FBXW8: variants seen among roughly 807,000 people sequenced by gnomAD.
FBXW8 encodes the protein F-box/WD repeat-containing protein 8.
A neutral mutation model predicts 65.3 loss-of-function variants in FBXW8; 57 were observed. The ratio of observed to expected loss-of-function variants is 0.87; its 90% CI spans 0.71 to 1.09. FBXW8 has a LOEUF of 1.09. FBXW8 is among the 50% of genes least tolerant of loss of function. The pLI is 0.00. For synonymous variants in FBXW8, 308 were observed against 330.2 expected (o/e 0.93, Z 0.73); for missense variants, 777 against 814.8 (o/e 0.95, Z 0.57).
At chr12:116,978,950 T>C (rs532602079) in intron 5 of FBXW8, 17 of 152,338 alleles carry the variant, frequency 1.1e-4, no homozygotes, top group Admixed American at 1.0e-3. Context: ...TTGGGACTTA[T>C]CTTTTTGATG....
intron 8 of FBXW8, among the ~76,000 whole-genome samples, chr12:117,022,172 G>C (rs748903645): frequency 4.4e-4 from 67 of 152,044 alleles, no homozygotes; most frequent in Non-Finnish European, 6.9e-4. Flanking sequence ...CCCCTTGCTG[G>C]CTTCCTCAGG....
At chr12:116,930,877 A>G (rs1415967922) in intron 2 of FBXW8, among the ~76,000 whole-genome samples, 1 of 152,206 alleles carries the variant, frequency 6.6e-6, no homozygotes, top group African/African-American at 2.4e-5. Flanking sequence ...GTACAATCGT[A>G]GCTCACTGTA....
chr12:116,951,968 T>C (rs1883312990), intron 4 of FBXW8, among the ~76,000 whole-genome samples: 1 of 152,240 alleles, frequency 6.6e-6, no homozygotes, highest in South Asian at 2.1e-4. Flanking sequence ...TGTCCGTGAG[T>C]CTTTGCTTAC....
At chr12:117,003,649 G>A (rs552732596) in intron 7 of FBXW8, among the ~76,000 whole-genome samples, 4 of 152,258 alleles carry the variant, frequency 2.6e-5, no homozygotes, top group East Asian at 1.9e-4. Context: ...AGTGTTTTCC[G>A]TGTTTCTTTC....
At chr12:116,981,892 G>A (rs1004524109) in intron 5 of FBXW8, among the ~76,000 whole-genome samples, 2 of 152,102 alleles carry the variant, frequency 1.3e-5, no homozygotes, top group Non-Finnish European at 2.9e-5. Flanking sequence ...GGGATTACAG[G>A]CATGAGCCAC....
chr12:117,013,736 T>TTTTATTTA (rs571309697), intron 8 of FBXW8, among the ~76,000 whole-genome samples: 34 of 152,028 alleles, frequency 2.2e-4, no homozygotes, highest in African/African-American at 7.5e-4. Context: ...GGTGTTTTCT[T>TTTTATTTA]TTTATTTATT....
In FBXW8 at chr12:116,949,657, GAC is replaced by G. The variant is rs1191050113; in HGVS notation, c.632_633del (p.Thr211SerfsTer4). On this transcript the variant is annotated frameshift_variant, in exon 4 of 11. Transcript: ENST00000652555. LOFTEE classifies it high-confidence loss of function. ...GAVSELEHVP[D>X]TVLCDVHSHD... ...CGTGAGCGAGCTGGAGCATGTTCCT[GAC>G]ACAGTTTTGTGTGATGTGCATTCTC... is the stretch of plus-strand genomic sequence containing the variant. 1.7e-5 allele frequency: 28 copies of G among 1,614,096 alleles called. No individual in the cohort carries two copies. The highest frequency in any genetic ancestry group is 2.2e-5 in the South Asian group (2 of 91,082).
intron 5 of FBXW8, chr12:116,979,268 C>T (rs1282753766): frequency 1.3e-5 from 2 of 152,272 alleles, no homozygotes; most frequent in East Asian, 3.8e-4. Flanking sequence ...CATTACCACA[C>T]TCTGGCTGGC....
chr12:116,917,233 A>G lies in FBXW8; in HGVS notation c.318+5878A>G, dbSNP rs1045908574. Reference sequence around the variant, plus strand: ...AACTAATAAAAATTAATAAGATTTTAGGTGCTAACATTGCAGGTTAAACAA... The same window carrying G: ...AACTAATAAAAATTAATAAGATTTTGGGTGCTAACATTGCAGGTTAAACAA... On this transcript the variant is annotated intron_variant, in intron 1 of 10. Coordinates refer to ENST00000652555, the MANE Select transcript of FBXW8 (RefSeq NM_153348.3). Among the ~76,000 whole-genome samples the G allele has an allele frequency of 1.2e-4, 19 of 152,316 alleles. No individual in the cohort carries two copies. The East Asian group carries it at 3.7e-3, about 29-fold the overall frequency.
intron 5 of FBXW8, among the ~76,000 whole-genome samples, chr12:116,970,166 G>A (rs1884565690): frequency 6.6e-6 from 1 of 152,166 alleles, no homozygotes; most frequent in Non-Finnish European, 1.5e-5. Context: ...TTCGAAACCC[G>A]CTCCCTGGTC....
chr12:116,937,131 A>G (rs941096673), intron 2 of FBXW8, among the ~76,000 whole-genome samples: 3 of 152,152 alleles, frequency 2.0e-5, no homozygotes, highest in African/African-American at 7.2e-5. Flanking sequence ...CAAGGGCTCC[A>G]TGGTGTTTGC....
intron 5 of FBXW8, among the ~76,000 whole-genome samples, chr12:116,968,131 A>T (rs560606526): frequency 1.3e-5 from 2 of 152,234 alleles, no homozygotes; most frequent in African/African-American, 4.8e-5. Flanking sequence ...AACAATGTTA[A>T]TTTTTTAATC....
chr12:116,993,332 G>C (rs932716189), intron 7 of FBXW8, among the ~76,000 whole-genome samples: 1 of 151,978 alleles, frequency 6.6e-6, no homozygotes, highest in Non-Finnish European at 1.5e-5. Flanking sequence ...TCGAACTCCT[G>C]ACCTCGTGAT....
At chr12:117,027,565 A>ACCCCCCC in intron 10 of FBXW8, 61 bp downstream of exon 10, 2 of 1,150,938 alleles carry the variant, frequency 1.7e-6, no homozygotes, top group Middle Eastern at 2.5e-4. Context: ...ATAGAACCCC[A>ACCCCCCC]CCCCCCCCGC....
At chr12:116,960,605 C>T (rs1323691137) in intron 4 of FBXW8, among the ~76,000 whole-genome samples, 1 of 152,190 alleles carries the variant, frequency 6.6e-6, no homozygotes, top group Admixed American at 6.5e-5. Flanking sequence ...TAATGCACAT[C>T]AGTGTGTACA....
chr12:116,975,454 C>T (rs1005889408), intron 5 of FBXW8, among the ~76,000 whole-genome samples: 4 of 152,136 alleles, frequency 2.6e-5, no homozygotes, highest in African/African-American at 9.7e-5. Flanking sequence ...TGATCACATC[C>T]CAAAGGTCTC....
At chr12:116,932,037 G>A (rs1881809439) in intron 2 of FBXW8, among the ~76,000 whole-genome samples, 2 of 152,072 alleles carry the variant, frequency 1.3e-5, no homozygotes, top group Non-Finnish European at 1.5e-5. Flanking sequence ...TTTATTAAGA[G>A]TTTTTATCAT....
intron 7 of FBXW8, among the ~76,000 whole-genome samples, chr12:116,994,495 C>A (rs1174212037): frequency 6.6e-6 from 1 of 152,166 alleles, no homozygotes; most frequent in Admixed American, 6.5e-5. Context: ...AACCTGCCAC[C>A]CAGTTTCTCT....
intron 2 of FBXW8, among the ~76,000 whole-genome samples, chr12:116,939,602 G>A (rs1357268761): frequency 6.6e-6 from 1 of 152,062 alleles, no homozygotes; most frequent in African/African-American, 2.4e-5. Flanking sequence ...TTTTTTGTTC[G>A]GTAGTTACAT....
Sources: gnomAD v4.1 joint callset for allele counts (sites outside exome capture counted in the v4.1 genomes callset) on GRCh38, gnomAD v4.1.1 for gene constraint, MANE v1.5 for transcripts, NCBI Gene and HGNC (gene_info 2026-07-23, HGNC 2026-07-21) for gene names.